Variants in RAPH1 observed in about 807,000 individuals in gnomAD.
The protein encoded by RAPH1 is Ras association (RalGDS/AF-6) and pleckstrin homology domains 1, also known as ras-associated and pleckstrin homology domains-containing protein 1.
In RAPH1, 18 loss-of-function variants were observed where a neutral mutation model predicts 88.1. The observed-to-expected ratio is 0.20, with a 90% confidence interval of 0.14 to 0.30. The LOEUF is 0.30. RAPH1 is among the 10% of genes least tolerant of loss of function. The pLI, the probability that RAPH1 is intolerant of heterozygous loss-of-function variation, is 1.00. For synonymous variants in RAPH1, 587 were observed against 559.0 expected, an observed-to-expected ratio of 1.05 and a Z score of -0.71; for missense variants, 1,448 against 1,543.2, an observed-to-expected ratio of 0.94 and a Z score of 1.03.
At chr2:203,492,798 G>T (rs1688328289) in intron 2 of RAPH1, among the ~76,000 whole-genome samples, 2 of 149,264 alleles carry the variant, frequency 1.3e-5, no homozygotes, top group Non-Finnish European at 3.0e-5. Context: ...TTGAGACAAG[G>T]TCATGCTCTG....
rs762113481 is a variant in RAPH1 at position 203,440,304 on chromosome 2, C to G, written c.2886G>C (p.Lys962Asn). Residue 962 changes from lysine (K) to asparagine (N), a missense_variant, in exon 14 of 14, where the codon AAG becomes AAC. Transcript: ENST00000319170. ...KSGSPGKKTS[K>N]TSSPGGKKPP... is the part of the protein sequence containing the mutation. ...GTTTCTTTCCCCCAGGGCTGGACGT[C>G]TTACTGGTCTTTTTGCCTGGAGATC... The G allele has an allele frequency of 6.2e-7, 1 of 1,612,930 alleles. No homozygotes were observed. Among genetic ancestry groups the G allele is most frequent in the Non-Finnish European group, 8.5e-7 (1 of 1,179,624 alleles).
rs1036258495 is a variant in RAPH1, at chr2:203,436,208, A to T, written c.*3229T>A. ...GCCTTTGGTGGGTGGGAGCACCTAG[A>T]TTTTAGAGGACTATAAAACGCCATG... On this transcript the variant is annotated 3_prime_UTR_variant, in exon 14 of 14. Coordinates refer to ENST00000319170, the MANE Select transcript of RAPH1 (RefSeq NM_213589.3). 2.0e-5 allele frequency: 3 copies of T among 152,210 alleles called. No individual in the cohort carries two copies. The highest frequency in any genetic ancestry group is 4.4e-5 in the Non-Finnish European group (3 of 68,040). The allele number at this position is 152,210 out of a possible 1,614,324, so 9.4% of individuals were successfully genotyped here. A position where few individuals can be genotyped will look rare whatever the true frequency, so the allele number is the denominator to read the frequency against.
intron 1 of RAPH1, among the ~76,000 whole-genome samples, chr2:203,512,369 A>AC: frequency 6.6e-6 from 1 of 151,086 alleles, no homozygotes; most frequent in Middle Eastern, 3.2e-3. Context: ...AAAAAAAAAA[A>AC]AACCCAAAAA....
At chr2:203,525,945 A>C (rs1690095730) in intron 1 of RAPH1, among the ~76,000 whole-genome samples, 1 of 152,196 alleles carries the variant, frequency 6.6e-6, no homozygotes, top group South Asian at 2.1e-4. Context: ...GAGAAGGAAA[A>C]GATAAAGAGC....
In RAPH1 at chr2:203,448,632, G is replaced by T; in HGVS notation, c.1512+106C>A. On this transcript the variant is annotated intron_variant, in intron 11 of 13. Transcript: ENST00000319170. This position sits in a 1 kb window ranked among gnomAD's most constrained non-coding sequence, Gnocchi z 4.1. ...CTTAGGCCTGAAAAACGTAGGCACT[G>T]GCAAATCCATGAACATGAAATAGTC... The T allele has an allele frequency of 1.5e-6, 1 of 677,564 alleles. No individual in the cohort carries two copies. Among genetic ancestry groups the T allele is most frequent in the South Asian group, 3.1e-5 (1 of 32,188 alleles). 42.0% of individuals were successfully genotyped at this position (677,564 alleles called of 1,614,324 possible). A position where few individuals can be genotyped will look rare whatever the true frequency, so the allele number is the denominator to read the frequency against.
chr2:203,436,727 G>GC lies in RAPH1; in HGVS notation c.*2709dup, dbSNP rs1553617073. 4 of 152,260 alleles carry GC rather than the reference G, an allele frequency of 2.6e-5. No homozygotes were observed. Among genetic ancestry groups the GC allele is most frequent in the African/African-American group, 9.7e-5 (4 of 41,444 alleles). 9.4% of individuals were successfully genotyped at this position (152,260 alleles called of 1,614,324 possible). ...AGCCAAGCTGGGTGAGAGCTGCAGA[G>GC]CAGAGGGCAGTGAAAGAAGGCACAG... On this transcript the variant is annotated 3_prime_UTR_variant, in exon 14 of 14. Coordinates refer to ENST00000319170, the MANE Select transcript of RAPH1 (RefSeq NM_213589.3).
intron 1 of RAPH1, among the ~76,000 whole-genome samples, chr2:203,506,753 T>TAG (rs1689033577): frequency 4.6e-5 from 6 of 130,980 alleles, no homozygotes; most frequent in African/African-American, 1.9e-4. Context: ...TATATATATA[T>TAG]ATATCTATAT....
At chr2:203,464,696 GA>G (rs2098527062) in intron 4 of RAPH1, among the ~76,000 whole-genome samples, 1 of 152,024 alleles carries the variant, frequency 6.6e-6, no homozygotes, top group South Asian at 2.1e-4. Context: ...ATATTCAAGA[GA>G]ATGAGAAGAC....
intron 4 of RAPH1, 39 bp from the exon 5 acceptor site, chr2:203,461,964 T>C (rs780971269): frequency 3.3e-6 from 5 of 1,525,272 alleles, no homozygotes; most frequent in Middle Eastern, 1.7e-4. Context: ...AATGCTAAGA[T>C]GATGAAATAT....
At chr2:203,519,638 TAAC>T (rs1294903595) in intron 1 of RAPH1, among the ~76,000 whole-genome samples, 2 of 152,064 alleles carry the variant, frequency 1.3e-5, no homozygotes, top group Non-Finnish European at 2.9e-5. Context: ...ATACTGGAAA[TAAC>T]AAGATAATAA....
At position 203,437,703 on chromosome 2, in the gene RAPH1, G is replaced by C. The variant is rs1433678795; in HGVS notation, c.*1734C>G. 6.4e-6 allele frequency: 1 copy of C among 155,816 alleles called. No homozygotes were observed. Among genetic ancestry groups the C allele is most frequent in the Non-Finnish European group, 1.4e-5 (1 of 70,698 alleles). 9.7% of individuals were successfully genotyped at this position (155,816 alleles called of 1,614,324 possible). On this transcript the variant is annotated 3_prime_UTR_variant, in exon 14 of 14. Coordinates refer to ENST00000319170, the MANE Select transcript of RAPH1 (RefSeq NM_213589.3). ...TTTTCGTGGAGTGTGGGTTATGCAA[G>C]ACCTTGAGTATACTGTACTAATTAA...
Position 203,468,644 on chromosome 2 carries a change from T to C in RAPH1, c.733-6719A>G, listed in dbSNP as rs532498834. 2.6e-5 allele frequency among the ~76,000 whole-genome samples: 4 copies of C among 152,254 alleles called. No homozygotes were observed. In the South Asian group the frequency reaches 6.2e-4, roughly 24 times the overall value. ...CATAAACAGACTGTGAGCTCGAGGG[T>C]GAGGAACAGGTATATTTTATGCAAT... On this transcript the variant is annotated intron_variant, in intron 4 of 13. Transcript: ENST00000319170.
chr2:203,489,764 A>G lies in RAPH1; in HGVS notation c.552T>C (p.Thr184=), dbSNP rs1423465897. The G allele has an allele frequency of 6.2e-7, 1 of 1,614,096 alleles. No homozygotes were observed. Among genetic ancestry groups the G allele is most frequent in the Non-Finnish European group, 8.5e-7 (1 of 1,180,040 alleles). ...CTGACGCGGTTCTTCTGTGCTGATTAGTTACTAAGGGTTTAGTATCTTCTA... is the reference window on the plus strand; with the variant it reads ...CTGACGCGGTTCTTCTGTGCTGATTGGTTACTAAGGGTTTAGTATCTTCTA... The part of the protein sequence containing the change: ...SVLEDTKPLV[T]NQHRRTASAG... The change falls in exon 4 of 14, where the codon ACT becomes ACC. Residue 184 remains threonine, a synonymous_variant. Transcript: ENST00000319170.
rs374463061 is a variant in RAPH1, at chr2:203,516,329, G to A, written c.-1+18782C>T. Among the ~76,000 whole-genome samples the A allele has an allele frequency of 1.2e-4, 18 of 152,288 alleles. No individual in the cohort carries two copies. The South Asian group carries it at 3.7e-3, about 32-fold the overall frequency. On this transcript the variant is annotated intron_variant, in intron 1 of 13. Transcript: ENST00000319170. ...TGCTCAATTAAAAGGCAGAAAAAGA[G>A]TAGAATACAAAATGGAATAAAAAAA...
chr2:203,461,968 GAAATA>G (rs1228906062), intron 4 of RAPH1, 43 bp from the exon 5 acceptor site: 7 of 1,509,124 alleles, frequency 4.6e-6, no homozygotes, highest in Non-Finnish European at 6.3e-6. Context: ...CTAAGATGAT[GAAATA>G]TTTGAGAAAT....
At chr2:203,487,756 T>C (rs547725490) in intron 4 of RAPH1, among the ~76,000 whole-genome samples, 1 of 152,200 alleles carries the variant, frequency 6.6e-6, no homozygotes, top group Admixed American at 6.5e-5. Context: ...TAAATGAAAG[T>C]TTATTCTTCA....
chr2:203,446,396 G>A (rs374910869), intron 12 of RAPH1: 1 of 152,204 alleles, frequency 6.6e-6, no homozygotes, highest in African/African-American at 2.4e-5. Flanking sequence ...CCACATGGTT[G>A]TGGCAGTGTT....
chr2:203,526,266 G>C (rs1581413922), intron 1 of RAPH1, among the ~76,000 whole-genome samples: 1 of 152,012 alleles, frequency 6.6e-6, no homozygotes, highest in Non-Finnish European at 1.5e-5. Flanking sequence ...AAAATTATAG[G>C]TATATACATT....
chr2:203,483,788 T>C, intron 4 of RAPH1, among the ~76,000 whole-genome samples: 1 of 152,100 alleles, frequency 6.6e-6, no homozygotes, highest in Non-Finnish European at 1.5e-5. Context: ...TCCCTATCCT[T>C]CCTAGAGGTG....
Sources: allele counts gnomAD v4.1 joint callset (sites outside exome capture counted in the v4.1 genomes callset), GRCh38; gene constraint gnomAD v4.1.1; non-coding constraint Gnocchi (gnomAD v3.1); transcripts MANE v1.5; gene names NCBI Gene and HGNC (gene_info 2026-07-23, HGNC 2026-07-21).